ESRP2: variants seen among roughly 807,000 people sequenced by gnomAD.
The protein encoded by ESRP2 is RNA binding motif protein 35A.
ESRP2 carries 48 observed loss-of-function variants against 78.6 expected under a neutral mutation model. The observed-to-expected ratio is 0.61, with a 90% CI of 0.48 to 0.78. The LOEUF (loss-of-function observed/expected upper bound fraction) is 0.78. Among genes scored for constraint, ESRP2 ranks in the 30% least tolerant of loss-of-function variants. The pLI is 0.00. For synonymous variants in ESRP2, 383 were observed against 406.7 expected (o/e 0.94, Z 0.70); for missense variants, 863 against 965.9 (o/e 0.89, Z 1.41).
At position 68,233,336 on chromosome 16, in the gene ESRP2, C is replaced by G. The variant is rs1714394107; in HGVS notation, c.646G>C (p.Glu216Gln). The G allele has an allele frequency of 6.2e-7, 1 of 1,613,442 alleles. No individual in the cohort carries two copies. Among genetic ancestry groups the G allele is most frequent in the African/African-American group, 1.3e-5 (1 of 74,896 alleles). Residue 216 changes from glutamate to glutamine, a missense_variant, in exon 5 of 15, where the codon GAG becomes CAG. Glu to Gln is a conservative substitution (Grantham distance 29, BLOSUM62 2). Coordinates refer to ENST00000473183, the MANE Select transcript of ESRP2 (RefSeq NM_024939.3). Reference protein sequence around the residue: ...MVAVILHLLKEPSSQLFSKPE... With the variant: ...MVAVILHLLKQPSSQLFSKPE... Reference sequence around the variant, plus strand: ...GTGAGGGAAACCTTACTGCTGGGCTCTTTGAGTAGATGGAGGATAACAGCT... The same window carrying G: ...GTGAGGGAAACCTTACTGCTGGGCTGTTTGAGTAGATGGAGGATAACAGCT...
rs774252203 is a variant in ESRP2 at position 68,231,033 on chromosome 16, G to A, written c.1712-6C>T. The A allele has an allele frequency of 8.2e-6, 13 of 1,588,526 alleles. No homozygotes were observed. The highest frequency in any genetic ancestry group is 3.4e-4 in the Middle Eastern group (2 of 5,914). ...GTAGGTAGGTGGTGAGAGGCCTAGAGACGGAAGTAGAAAGTGCATGTGCAC... is the reference window on the plus strand; with the variant it reads ...GTAGGTAGGTGGTGAGAGGCCTAGAAACGGAAGTAGAAAGTGCATGTGCAC... On this transcript the variant is annotated splice_polypyrimidine_tract_variant and splice_region_variant and intron_variant, in intron 12 of 14. Transcript: ENST00000473183. This position sits in a 1 kb window ranked among gnomAD's most constrained non-coding sequence, Gnocchi z 6.0.
Position 68,229,525 on chromosome 16 carries a change from C to G in ESRP2, c.*701G>C, listed in dbSNP as rs1027796250. ...AGAAAAGTTGGCAGAAAGTCCTCCC[C>G]TTTAAAATTCAAGCCTGAAGGTTTT... On this transcript the variant is annotated 3_prime_UTR_variant, in exon 15 of 15. Transcript: ENST00000473183. 1 of 152,672 alleles carries G rather than the reference C, an allele frequency of 6.5e-6. No homozygotes were observed. Among genetic ancestry groups the G allele is most frequent in the African/African-American group, 2.4e-5 (1 of 41,462 alleles). The allele number at this position is 152,672 out of a possible 1,614,324, so 9.5% of individuals were successfully genotyped here. A position where few individuals can be genotyped will look rare whatever the true frequency, so the allele number is the denominator to read the frequency against.
Position 68,232,154 on chromosome 16 carries a change from A to G in ESRP2, c.998-51T>C. 6.2e-7 allele frequency: 1 copy of G among 1,611,900 alleles called. No homozygotes were observed. The highest frequency in any genetic ancestry group is 8.5e-7 in the Non-Finnish European group (1 of 1,178,676). On this transcript the variant is annotated intron_variant, in intron 9 of 14. Transcript: ENST00000473183. This position sits in a 1 kb window ranked among gnomAD's most constrained non-coding sequence, Gnocchi z 5.2. ...TTCACTCATGCTCCTCCAGACACTC[A>G]CCCATGCAGGGGAGCAGGCAGGCAA...
chr16:68,233,939 T>A, intron 3 of ESRP2, 55 bp downstream of exon 3: 1 of 1,602,746 alleles, frequency 6.2e-7, no homozygotes. Flanking sequence ...ACAAGAGGGG[T>A]TCTGGGAACC....
chr16:68,234,066 C>T lies in ESRP2; in HGVS notation c.369G>A (p.Gly123=), dbSNP rs187273955. The T allele has an allele frequency of 3.1e-6, 5 of 1,613,724 alleles. No homozygotes were observed. In the East Asian group the frequency reaches 1.1e-4, roughly 36 times the overall value. The change falls in exon 3 of 15, where the codon GGG becomes GGA. Residue 123 remains glycine, a synonymous_variant. Transcript: ENST00000473183. ...LVNGDVALLG[G]GPYMLCTDGQ... is the part of the protein sequence containing the mutation. The stretch of plus-strand genomic sequence containing the variant: ...CATCAGTGCAGAGCATGTAGGGGCC[C>T]CCGCCCAGCAAAGCCACATCCCCGT...
In ESRP2 at chr16:68,231,716, G is replaced by A; in HGVS notation, c.1300-22C>T. On this transcript the variant is annotated intron_variant, in intron 10 of 14. Coordinates refer to ENST00000473183, the MANE Select transcript of ESRP2 (RefSeq NM_024939.3). This position sits in a 1 kb window ranked among gnomAD's most constrained non-coding sequence, Gnocchi z 6.0. ...AGACCTAGTAAGGAAGGCAGCAACA[G>A]GCTGGTCATGCCAAGTAGGGCAGGG... is the stretch of plus-strand genomic sequence containing the variant. 6.3e-7 allele frequency: 1 copy of A among 1,595,318 alleles called. No individual in the cohort carries two copies. The highest frequency in any genetic ancestry group is 1.1e-5 in the South Asian group (1 of 88,534).
At position 68,232,945 on chromosome 16, in the gene ESRP2, T is replaced by A; in HGVS notation, c.656-130A>T. On this transcript the variant is annotated intron_variant, in intron 5 of 14. Transcript: ENST00000473183. This position sits in a 1 kb window ranked among gnomAD's most constrained non-coding sequence, Gnocchi z 5.2. ...CGAGCACAGTGGCTCACGCCTATAATCCCAGCACTTTGGGAGGCCAAGGTG... is the reference window on the plus strand; with the variant it reads ...CGAGCACAGTGGCTCACGCCTATAAACCCAGCACTTTGGGAGGCCAAGGTG... 1 of 1,331,418 alleles carries A rather than the reference T, an allele frequency of 7.5e-7. No homozygotes were observed. The highest frequency in any genetic ancestry group is 1.0e-6 in the Non-Finnish European group (1 of 955,704). The allele number at this position is 1,331,418 out of a possible 1,614,324, so 82.5% of individuals were successfully genotyped here.
rs2042097034 is a variant in ESRP2, at chr16:68,229,544, A to G, written c.*682T>C. 6.6e-6 allele frequency: 1 copy of G among 152,466 alleles called. No homozygotes were observed. 9.4% of individuals were successfully genotyped at this position (152,466 alleles called of 1,614,324 possible). On this transcript the variant is annotated 3_prime_UTR_variant, in exon 15 of 15. Coordinates refer to ENST00000473183, the MANE Select transcript of ESRP2 (RefSeq NM_024939.3). ...CCTCCCCTTTAAAATTCAAGCCTGAAGGTTTTGTGTGGGGGCCTACTGCCC... is the reference window on the plus strand; with the variant it reads ...CCTCCCCTTTAAAATTCAAGCCTGAGGGTTTTGTGTGGGGGCCTACTGCCC...
Position 68,235,730 on chromosome 16 carries a change from G to C in ESRP2, c.231C>G (p.Ala77=). 1 of 1,607,326 alleles carries C rather than the reference G, an allele frequency of 6.2e-7. No individual in the cohort carries two copies. The highest frequency in any genetic ancestry group is 8.5e-7 in the Non-Finnish European group (1 of 1,178,990). ...VGTLHKSLVR[A]EAAALSTQCR... is the part of the protein sequence containing the mutation. Reference sequence around the variant, plus strand: ...ACTGCGTACTCAGTGCGGCCGCCTCGGCACGAACCAGCGATTTGTGCAGCG... The same window carrying C: ...ACTGCGTACTCAGTGCGGCCGCCTCCGCACGAACCAGCGATTTGTGCAGCG... The change falls in exon 2 of 15, where the codon GCC becomes GCG. Residue 77 remains alanine (A), a synonymous_variant. Transcript: ENST00000473183. The surrounding 1 kb of genome is among the most constrained non-coding windows in gnomAD (Gnocchi z 5.5).
chr16:68,235,628 G>A lies in ESRP2; in HGVS notation c.327+6C>T, dbSNP rs760804981. ...AGGCCATGCCGCCACCCACCCCGGC[G>A]CTCACCTGCTGCAGCACCTTGTCCA... is the stretch of plus-strand genomic sequence containing the variant. On this transcript the variant is annotated splice_donor_region_variant and intron_variant, in intron 2 of 14. Coordinates refer to ENST00000473183, the MANE Select transcript of ESRP2 (RefSeq NM_024939.3). The surrounding 1 kb of genome is among the most constrained non-coding windows in gnomAD (Gnocchi z 5.5). 6.3e-7 allele frequency: 1 copy of A among 1,596,966 alleles called. No homozygotes were observed. Among genetic ancestry groups the A allele is most frequent in the South Asian group, 1.1e-5 (1 of 90,920 alleles).
rs1248100588 is a variant in ESRP2 at position 68,232,297 on chromosome 16, A to G, written c.955-9T>C. On this transcript the variant is annotated splice_polypyrimidine_tract_variant and intron_variant, in intron 8 of 14. Transcript: ENST00000473183. The surrounding 1 kb of genome is among the most constrained non-coding windows in gnomAD (Gnocchi z 5.2). The stretch of plus-strand genomic sequence containing the variant: ...CCTGTCGCTTTATACACCTGTGGGT[A>G]CAGAGAGCAGCAGCCCATGGGTCTC... The G allele has an allele frequency of 6.2e-7, 1 of 1,614,056 alleles. No homozygotes were observed.
intron 5 of ESRP2, 89 bp downstream of exon 5, chr16:68,233,238 G>A (rs866763715): frequency 7.0e-5 from 59 of 841,168 alleles, no homozygotes; most frequent in Middle Eastern, 2.4e-4. Context: ...GGATTCCCCC[G>A]TGGTCTCTTA....
At chr16:68,233,744 C>T (rs773749102) in intron 4 of ESRP2, 24 bp downstream of exon 4, 3 of 1,585,828 alleles carry the variant, frequency 1.9e-6, no homozygotes, top group Non-Finnish European at 2.6e-6. Context: ...CTTCTCCACC[C>T]TAACCCTGCT....
Position 68,232,292 on chromosome 16 carries a change from T to C in ESRP2, c.955-4A>G, listed in dbSNP as rs369190167. 107 of 1,614,048 alleles carry C rather than the reference T, an allele frequency of 6.6e-5. No homozygotes were observed. The African/African-American group carries it at 1.3e-3, about 20-fold the overall frequency. On this transcript the variant is annotated splice_region_variant and splice_polypyrimidine_tract_variant and intron_variant, in intron 8 of 14. Transcript: ENST00000473183. The surrounding 1 kb of genome is among the most constrained non-coding windows in gnomAD (Gnocchi z 5.2). Reference sequence around the variant, plus strand: ...CCTCCCCTGTCGCTTTATACACCTGTGGGTACAGAGAGCAGCAGCCCATGG... The same window carrying C: ...CCTCCCCTGTCGCTTTATACACCTGCGGGTACAGAGAGCAGCAGCCCATGG...
At position 68,231,419 on chromosome 16, in the gene ESRP2, G is replaced by T. The variant is rs558398953; in HGVS notation, c.1513-43C>A. On this transcript the variant is annotated intron_variant, in intron 11 of 14. Transcript: ENST00000473183. The surrounding 1 kb of genome is among the most constrained non-coding windows in gnomAD (Gnocchi z 6.0). ...TGAGCAGTTTGTCATGTGTAAGAGT[G>T]CCTTACCCCTAACACACACCCCTTC... The T allele has an allele frequency of 1.1e-5, 18 of 1,613,094 alleles. 1 individual carries two copies. The Admixed American group carries it at 2.8e-4, about 25-fold the overall frequency.
rs779561626 is a variant in ESRP2 at position 68,231,373 on chromosome 16, G to A, written c.1516C>T (p.Arg506Trp). 118 of 1,613,972 alleles carry A rather than the reference G, an allele frequency of 7.3e-5. No individual in the cohort carries two copies. In the Middle Eastern group the frequency reaches 2.5e-3, roughly 34 times the overall value. Residue 506 changes from arginine to tryptophan, a missense_variant, in exon 12 of 15, where the codon CGG becomes TGG. Transcript: ENST00000473183. This position sits in a 1 kb window ranked among gnomAD's most constrained non-coding sequence, Gnocchi z 6.0. ...GVHMVLNQQG[R>W]PSGDAFIQMT... ...TGAATGAAGGCATCGCCCGATGGCCGGCCCTGTGCACACCATCTTGTGAGC... is the reference window on the plus strand; with the variant it reads ...TGAATGAAGGCATCGCCCGATGGCCAGCCCTGTGCACACCATCTTGTGAGC...
Position 68,232,963 on chromosome 16 carries a change from C to T in ESRP2, c.656-148G>A. ...CCTATAATCCCAGCACTTTGGGAGGCCAAGGTGGGTGGATCATTTGAGGTC... is the reference window on the plus strand; with the variant it reads ...CCTATAATCCCAGCACTTTGGGAGGTCAAGGTGGGTGGATCATTTGAGGTC... On this transcript the variant is annotated intron_variant, in intron 5 of 14. Coordinates refer to ENST00000473183, the MANE Select transcript of ESRP2 (RefSeq NM_024939.3). The surrounding 1 kb of genome is among the most constrained non-coding windows in gnomAD (Gnocchi z 5.2). 8.9e-7 allele frequency: 1 copy of T among 1,121,604 alleles called. No individual in the cohort carries two copies. Among genetic ancestry groups the T allele is most frequent in the Non-Finnish European group, 1.3e-6 (1 of 776,620 alleles). The allele number at this position is 1,121,604 out of a possible 1,614,324, so 69.5% of individuals were successfully genotyped here.
Position 68,231,948 on chromosome 16 carries a change from G to A in ESRP2, c.1153C>T (p.Arg385Cys), listed in dbSNP as rs752446082. 2.0e-5 allele frequency: 32 copies of A among 1,613,914 alleles called. No individual in the cohort carries two copies. Among genetic ancestry groups the A allele is most frequent in the African/African-American group, 2.7e-5 (2 of 74,914 alleles). Residue 385 changes from arginine to cysteine, a missense_variant, in exon 10 of 15, where the codon CGC (arginine) becomes TGC (cysteine). Transcript: ENST00000473183. This position sits in a 1 kb window ranked among gnomAD's most constrained non-coding sequence, Gnocchi z 6.0. ...TGGTEGLLFV[R>C]HPDGRPTGDA... ...CCAGTCGGCCGGCCATCAGGATGGC[G>A]CACAAAGAGCAGCCCCTCGGTACCC... is the stretch of plus-strand genomic sequence containing the variant.
At position 68,235,265 on chromosome 16, in the gene ESRP2, T is replaced by C. The variant is rs1286824678; in HGVS notation, c.327+369A>G. 1 of 985,278 alleles carries C rather than the reference T, an allele frequency of 1.0e-6. No individual in the cohort carries two copies. The highest frequency in any genetic ancestry group is 6.1e-5 in the Admixed American group (1 of 16,272). 61.0% of individuals were successfully genotyped at this position (985,278 alleles called of 1,614,324 possible). ...GCGGGCCGCAAGGACAGGTGACCTA[T>C]ATGGGCCCCTCGACCCCTTTCGCTT... On this transcript the variant is annotated intron_variant, in intron 2 of 14. Transcript: ENST00000473183. The surrounding 1 kb of genome is among the most constrained non-coding windows in gnomAD (Gnocchi z 5.5).
Sources: gnomAD v4.1 joint callset for allele counts on GRCh38, gnomAD v4.1.1 for gene constraint, Gnocchi (gnomAD v3.1) non-coding constraint, MANE v1.5 for transcripts, NCBI Gene and HGNC (gene_info 2026-07-23, HGNC 2026-07-21) for gene names.